Variants in STAU2 observed in about 807,000 individuals in gnomAD.
The protein encoded by STAU2 is double-stranded RNA-binding protein Staufen homolog 2.
STAU2 carries 20 observed loss-of-function variants against 65.9 expected under a neutral mutation model. That is an observed-to-expected ratio of 0.30 (90% CI 0.21 to 0.44). The LOEUF (loss-of-function observed/expected upper bound fraction) is 0.44. Among genes scored for constraint, STAU2 ranks in the 20% least tolerant of loss-of-function variants. The probability of loss-of-function intolerance (pLI) is 1.00; values close to 1 mark genes in which losing one functional copy is unlikely to be tolerated. For synonymous variants in STAU2, 232 were observed against 233.9 expected (o/e 0.99, Z 0.07); for missense variants, 558 against 683.9 (o/e 0.82, Z 2.05).
At chr8:73,713,864 C>G (rs530130130) in intron 3 of STAU2, among the ~76,000 whole-genome samples, 1 of 152,218 alleles carries the variant, frequency 6.6e-6, no homozygotes, top group South Asian at 2.1e-4. Context: ...TCCAAAGAAT[C>G]CTTTCCATCC....
chr8:73,615,797 A>G lies in STAU2; in HGVS notation c.571-15T>C, dbSNP rs752070966. 25 of 1,560,644 alleles carry G rather than the reference A, an allele frequency of 1.6e-5. No individual in the cohort carries two copies. The highest frequency in any genetic ancestry group is 4.5e-5 in the East Asian group (2 of 44,560). On this transcript the variant is annotated splice_polypyrimidine_tract_variant and intron_variant, in intron 7 of 14. Transcript: ENST00000524300. Reference sequence around the variant, plus strand: ...GATTCACCATTCTAAATCACAAAAAATAGGATAACACTGAATCTTGACATT... The same window carrying G: ...GATTCACCATTCTAAATCACAAAAAGTAGGATAACACTGAATCTTGACATT...
intron 3 of STAU2, among the ~76,000 whole-genome samples, chr8:73,720,554 G>A (rs1257489852): frequency 5.2e-5 from 3 of 58,014 alleles, no homozygotes; most frequent in South Asian, 7.7e-4. Flanking sequence ...CGCCCAGGCC[G>A]GACTGCGGAC....
chr8:73,436,031 C>G (rs1817656826), intron 13 of STAU2, among the ~76,000 whole-genome samples: 1 of 151,958 alleles, frequency 6.6e-6, no homozygotes, highest in Non-Finnish European at 1.5e-5. Context: ...GTGAAGCATT[C>G]CTGCTGAACA....
chr8:73,432,063 A>G (rs1031713401), intron 13 of STAU2, among the ~76,000 whole-genome samples: 1 of 151,688 alleles, frequency 6.6e-6, no homozygotes, highest in African/African-American at 2.4e-5. Context: ...GTCTTTCCCC[A>G]CTGACGTCAT....
At position 73,500,680 on chromosome 8, in the gene STAU2, C is replaced by T. The variant is rs114889436; in HGVS notation, c.1530+51332G>A. On this transcript the variant is annotated intron_variant, in intron 13 of 14. Coordinates refer to ENST00000524300, the MANE Select transcript of STAU2 (RefSeq NM_001164380.2). ...ATCTTAGTGGCAATAAGAATATGAC[C>T]GTGATAAAATTGCACAGTATATTTT... Among the ~76,000 whole-genome samples the T allele has an allele frequency of 8.8e-3, 1,331 of 151,724 alleles. 23 individuals are homozygous for T. The highest frequency in any genetic ancestry group is 0.031 in the African/African-American group (1,289 of 41,408).
intron 13 of STAU2, among the ~76,000 whole-genome samples, chr8:73,486,134 G>C (rs571306972): frequency 2.0e-5 from 3 of 152,160 alleles, no homozygotes; most frequent in South Asian, 2.1e-4. Flanking sequence ...GTACATAATA[G>C]AATATCCTTC....
intron 13 of STAU2, among the ~76,000 whole-genome samples, chr8:73,548,186 T>A (rs1374527215): frequency 6.6e-6 from 1 of 151,884 alleles, no homozygotes; most frequent in Admixed American, 6.6e-5. Flanking sequence ...TTTCTCCATA[T>A]TCTCCTAAGA....
rs147889869 is a variant in STAU2, at chr8:73,616,945, G to A, written c.570+347C>T. 2.4e-4 allele frequency among the ~76,000 whole-genome samples: 36 copies of A among 152,218 alleles called. 2 individuals carry two copies. The highest frequency in any genetic ancestry group is 8.4e-4 in the African/African-American group (35 of 41,546). ...TCAATGTCATTTGTAAAACAAAAGA[G>A]GACTGAAAAATCCATAAAATCTCTT... On this transcript the variant is annotated intron_variant, in intron 7 of 14. Coordinates refer to ENST00000524300, the MANE Select transcript of STAU2 (RefSeq NM_001164380.2).
In STAU2 at chr8:73,703,784, G is replaced by A. The variant is rs528821669; in HGVS notation, c.114+5248C>T. On this transcript the variant is annotated intron_variant, in intron 4 of 14. Transcript: ENST00000524300. ...ATCTATAGTCACAGAAAGCAGATTAGTAGCTGTGTGGGGTCCCAGGTACAA... is the reference window on the plus strand; with the variant it reads ...ATCTATAGTCACAGAAAGCAGATTAATAGCTGTGTGGGGTCCCAGGTACAA... Among the ~76,000 whole-genome samples the A allele has an allele frequency of 1.3e-4, 20 of 152,298 alleles. No homozygotes were observed. The East Asian group carries it at 3.5e-3, about 26-fold the overall frequency.
intron 3 of STAU2, among the ~76,000 whole-genome samples, chr8:73,720,510 T>C (rs1193384014): frequency 1.9e-5 from 1 of 51,830 alleles, no homozygotes; most frequent in African/African-American, 1.1e-4. Context: ...TTTTTTTTTT[T>C]TTTTTTTTTT....
chr8:73,682,047 A>G (rs537772685), intron 5 of STAU2, among the ~76,000 whole-genome samples: 5 of 152,272 alleles, frequency 3.3e-5, no homozygotes, highest in South Asian at 4.1e-4. Context: ...TCAATATTCC[A>G]CTGACAGCAC....
chr8:73,615,952 C>T (rs1563459893), intron 7 of STAU2, 170 bp from the exon 8 acceptor site: 1 of 510,574 alleles, frequency 2.0e-6, no homozygotes, highest in Non-Finnish European at 3.4e-6. Flanking sequence ...TGCTGCCAGG[C>T]TTTTTGTTAC....
At chr8:73,585,177 G>A (rs1254191523) in intron 11 of STAU2, among the ~76,000 whole-genome samples, 6 of 152,130 alleles carry the variant, frequency 3.9e-5, no homozygotes, top group African/African-American at 1.4e-4. Flanking sequence ...CTTACCTTAT[G>A]TTACCTCAAT....
chr8:73,673,919 A>G (rs962122430), intron 5 of STAU2, among the ~76,000 whole-genome samples: 8 of 152,048 alleles, frequency 5.3e-5, no homozygotes, highest in Admixed American at 2.6e-4. Context: ...CAGCTATAAA[A>G]GGAGGAAGAC....
At chr8:73,737,666 T>C (rs1430433918) in intron 3 of STAU2, among the ~76,000 whole-genome samples, 4 of 151,528 alleles carry the variant, frequency 2.6e-5, no homozygotes, top group East Asian at 1.9e-4. Context: ...CCTCAGAAAG[T>C]GCTGGGACTA....
At chr8:73,551,527 GTA>G in intron 13 of STAU2, 3 of 987,172 alleles carry the variant, frequency 3.0e-6, no homozygotes, top group African/African-American at 3.5e-5. Context: ...CTAGAATGTT[GTA>G]TCTTAATGGT....
At chr8:73,631,937 T>G (rs1393883762) in intron 6 of STAU2, among the ~76,000 whole-genome samples, 1 of 145,690 alleles carries the variant, frequency 6.9e-6, no homozygotes, top group Non-Finnish European at 1.5e-5. Context: ...GCCAAAAAGC[T>G]GAAGTTGCTC....
chr8:73,601,042 A>G (rs531729554), intron 10 of STAU2, among the ~76,000 whole-genome samples: 1 of 152,230 alleles, frequency 6.6e-6, no homozygotes, highest in East Asian at 1.9e-4. Context: ...CACAAATTTT[A>G]TAACTATTGT....
intron 12 of STAU2, among the ~76,000 whole-genome samples, chr8:73,578,005 T>C (rs913062117): frequency 1.3e-5 from 2 of 152,202 alleles, no homozygotes; most frequent in African/African-American, 4.8e-5. Context: ...TCCTTGAACT[T>C]GTTTTTAGCA....
Sources: gnomAD v4.1 joint callset for allele counts (sites outside exome capture counted in the v4.1 genomes callset) on GRCh38, gnomAD v4.1.1 for gene constraint, MANE v1.5 for transcripts, NCBI Gene and HGNC (gene_info 2026-07-23, HGNC 2026-07-21) for gene names.